The following NAALADL2 variants were observed in gnomAD, a reference collection of about 807,000 sequenced individuals.
The protein encoded by NAALADL2 is N-acetylated alpha-linked acidic dipeptidase like 2.
Under a neutral mutation model 87.2 loss-of-function variants are expected in NAALADL2, and 76 were observed. That is an observed-to-expected ratio of 0.87 (90% CI 0.72 to 1.05). The LOEUF (loss-of-function observed/expected upper bound fraction) is 1.05, where lower values mean the gene tolerates loss of function less well. NAALADL2 is among the 50% of genes least tolerant of loss of function. The pLI, the probability that NAALADL2 is intolerant of heterozygous loss-of-function variation, is 0.00. For missense variants in NAALADL2, 1,089 were observed against 945.8 expected (o/e 1.15, Z -1.99); for synonymous variants, 354 against 331.0 (o/e 1.07, Z -0.75).
At position 174,816,171 on chromosome 3, in the gene NAALADL2, T is replaced by C. The variant is rs543428316; in HGVS notation, c.-9+78425T>C. Among the ~76,000 whole-genome samples the C allele has an allele frequency of 2.0e-5, 3 of 152,136 alleles. No homozygotes were observed. In the East Asian group the frequency reaches 5.8e-4, roughly 29 times the overall value. On this transcript the variant is annotated intron_variant, in intron 3 of 3. Transcript: ENST00000434257. ...ATGTACCCCAATGATATAAATATCT[T>C]CTCTTTCCATTCTACTCCTATCCTC...
chr3:175,600,684 C>T (rs1221927049), intron 10 of NAALADL2, among the ~76,000 whole-genome samples: 1 of 151,362 alleles, frequency 6.6e-6, no homozygotes, highest in Non-Finnish European at 1.5e-5. Context: ...ACTACAGGCG[C>T]CCGCTACCAC....
At chr3:174,858,199 A>C (rs1726068977), upstream of NAALADL2, among the ~76,000 whole-genome samples, 1 of 148,234 alleles carries the variant, frequency 6.7e-6, no homozygotes, top group Non-Finnish European at 1.5e-5. Flanking sequence ...GTAAAATATT[A>C]ATATATATGA....
At chr3:175,539,615 C>T (rs1329754610) in intron 9 of NAALADL2, among the ~76,000 whole-genome samples, 1 of 15,206 alleles carries the variant, frequency 6.6e-5, no homozygotes, top group East Asian at 7.4e-3. Context: ...CATAGTACCA[C>T]AGTTGTTGTC....
chr3:175,471,183 C>T (rs924300639), intron 8 of NAALADL2, among the ~76,000 whole-genome samples: 1 of 151,908 alleles, frequency 6.6e-6, no homozygotes, highest in Admixed American at 6.6e-5. Flanking sequence ...TATAGGATCA[C>T]TTTTTTAAGA....
chr3:175,076,611 C>T (rs1368031927), intron 1 of NAALADL2, among the ~76,000 whole-genome samples: 1 of 151,996 alleles, frequency 6.6e-6, no homozygotes, highest in African/African-American at 2.4e-5. Flanking sequence ...TGTTACTTAC[C>T]TCATCTTTCT....
chr3:174,617,917 A>G (rs1397176170), intron 2 of NAALADL2, among the ~76,000 whole-genome samples: 1 of 151,774 alleles, frequency 6.6e-6, no homozygotes, highest in Non-Finnish European at 1.5e-5. Context: ...AATACATGGT[A>G]TGTGAACTTA....
intron 9 of NAALADL2, among the ~76,000 whole-genome samples, chr3:175,573,737 T>G (rs762559836): frequency 3.3e-5 from 5 of 152,194 alleles, no homozygotes; most frequent in Non-Finnish European, 7.3e-5. Context: ...CCAGGAGTCT[T>G]AAGCCAGAGG....
chr3:174,444,742 GTGT>G (rs1714915970), intron 1 of NAALADL2, among the ~76,000 whole-genome samples: 1 of 152,168 alleles, frequency 6.6e-6, no homozygotes, highest in Admixed American at 6.5e-5. Flanking sequence ...ATGGAGAACA[GTGT>G]TGTCACCAGT....
chr3:174,794,656 ACTAT>A (rs1717859838), intron 3 of NAALADL2, among the ~76,000 whole-genome samples: 1 of 152,170 alleles, frequency 6.6e-6, no homozygotes, highest in African/African-American at 2.4e-5. Context: ...TGTGGAGCAT[ACTAT>A]CTAATTTAAA....
intron 2 of NAALADL2, among the ~76,000 whole-genome samples, chr3:175,214,384 C>A (rs1368358783): frequency 6.6e-6 from 1 of 152,134 alleles, no homozygotes; most frequent in East Asian, 1.9e-4. Context: ...TCAGATGAAA[C>A]ACTCCTTCAG....
At chr3:175,397,036 A>G (rs2149042614) in intron 5 of NAALADL2, among the ~76,000 whole-genome samples, 1 of 152,172 alleles carries the variant, frequency 6.6e-6, no homozygotes, top group Admixed American at 6.6e-5. Flanking sequence ...ACATTTAAAA[A>G]TATATATTAT....
intron 3 of NAALADL2, among the ~76,000 whole-genome samples, chr3:174,829,754 T>C (rs1722440098): frequency 1.4e-5 from 2 of 142,454 alleles, no homozygotes; most frequent in African/African-American, 5.3e-5. Flanking sequence ...TGTTCCTATT[T>C]CTCCACATCC....
At chr3:175,502,231 G>GTGTA (rs1191499086) in intron 9 of NAALADL2, among the ~76,000 whole-genome samples, 2,776 of 104,784 alleles carry the variant, frequency 0.026, 93 homozygotes, top group African/African-American at 0.12. Context: ...TATCCTGGGT[G>GTGTA]TGTGTGTGTG....
intron 2 of NAALADL2, among the ~76,000 whole-genome samples, chr3:174,634,357 T>C (rs1268248095): frequency 6.6e-6 from 1 of 152,180 alleles, no homozygotes; most frequent in Non-Finnish European, 1.5e-5. Flanking sequence ...AAAAATCATC[T>C]AGTAAATGTA....
At chr3:174,689,580 T>A (rs923636403) in intron 2 of NAALADL2, among the ~76,000 whole-genome samples, 13 of 152,044 alleles carry the variant, frequency 8.6e-5, no homozygotes, top group African/African-American at 3.1e-4. Context: ...ATACCCTAGA[T>A]GAAAATCTCC....
intron 1 of NAALADL2, among the ~76,000 whole-genome samples, chr3:174,999,368 T>A (rs1275496556): frequency 1.3e-5 from 2 of 152,200 alleles, no homozygotes; most frequent in Non-Finnish European, 2.9e-5. Flanking sequence ...TAAATATTTA[T>A]TTTTAGAATT....
chr3:175,608,924 T>C (rs1361732203), intron 10 of NAALADL2, among the ~76,000 whole-genome samples: 2 of 151,184 alleles, frequency 1.3e-5, no homozygotes, highest in Non-Finnish European at 2.9e-5. Flanking sequence ...AATGCTGATG[T>C]GTACCACTAT....
chr3:175,511,076 G>A (rs868164790), intron 9 of NAALADL2, among the ~76,000 whole-genome samples: 5 of 152,038 alleles, frequency 3.3e-5, no homozygotes, highest in Admixed American at 1.3e-4. Flanking sequence ...ATGTAAGTCC[G>A]GGCAATATCA....
chr3:175,355,687 A>G (rs1764287683), intron 5 of NAALADL2, among the ~76,000 whole-genome samples: 1 of 152,184 alleles, frequency 6.6e-6, no homozygotes, highest in Non-Finnish European at 1.5e-5. Flanking sequence ...AATAACAATA[A>G]CAATACCTAC....
Sources: allele counts gnomAD v4.1 joint callset (sites outside exome capture counted in the v4.1 genomes callset), GRCh38; gene constraint gnomAD v4.1.1; transcripts MANE v1.5; gene names NCBI Gene and HGNC (gene_info 2026-07-23, HGNC 2026-07-21).